Variants in POFUT3 observed in about 807,000 individuals in gnomAD.
The protein encoded by POFUT3 is protein O-fucosyltransferase 3, also known as GDP-fucose protein O-fucosyltransferase 3.
the POFUT3 span, among the ~76,000 whole-genome samples, chr8:33,368,141 A>T: frequency 1.3e-5 from 2 of 152,200 alleles, no homozygotes; most frequent in South Asian, 4.1e-4. Flanking sequence ...AGGAGGATAC[A>T]AAGGGGCAAG....
At chr8:33,390,296 T>G in the POFUT3 span, among the ~76,000 whole-genome samples, 4 of 151,954 alleles carry the variant, frequency 2.6e-5, no homozygotes, top group Non-Finnish European at 5.9e-5. Flanking sequence ...CAGAAACTAC[T>G]GAGGGAGAGG....
chr8:33,460,181 T>G, the POFUT3 span, among the ~76,000 whole-genome samples: 1 of 120,572 alleles, frequency 8.3e-6, no homozygotes, highest in Non-Finnish European at 1.8e-5. Context: ...AGAGTGAGAC[T>G]CCACCTCAAA....
the POFUT3 span, among the ~76,000 whole-genome samples, chr8:33,373,677 A>G: frequency 6.6e-6 from 1 of 152,286 alleles, no homozygotes; most frequent in South Asian, 2.1e-4. Flanking sequence ...GAGAAAAGAA[A>G]AAGAAAAGTA....
chr8:33,365,989 A>G, the POFUT3 span, among the ~76,000 whole-genome samples: 1 of 152,212 alleles, frequency 6.6e-6, no homozygotes, highest in South Asian at 2.1e-4. Flanking sequence ...CACAATAGCA[A>G]AGACTTGGAA....
chr8:33,436,179 AG>A, the POFUT3 span: 2 of 1,251,048 alleles, frequency 1.6e-6, no homozygotes, highest in Non-Finnish European at 1.1e-6. Context: ...ACGGTTCCTA[AG>A]GGACTGAATG....
the POFUT3 span, among the ~76,000 whole-genome samples, chr8:33,392,764 A>G: frequency 6.6e-6 from 1 of 151,714 alleles, no homozygotes; most frequent in Non-Finnish European, 1.5e-5. Flanking sequence ...TGGGTGGATC[A>G]CCTGAGGTCA....
chr8:33,338,032 C>A, the POFUT3 span, among the ~76,000 whole-genome samples: 2 of 152,054 alleles, frequency 1.3e-5, no homozygotes, highest in South Asian at 2.1e-4. Context: ...CCAAAGCACA[C>A]AAATATCTGT....
the POFUT3 span, among the ~76,000 whole-genome samples, chr8:33,411,514 C>T: frequency 1.3e-5 from 2 of 152,168 alleles, no homozygotes; most frequent in Non-Finnish European, 2.9e-5. Context: ...ATGGGCCGGG[C>T]GCCATGGCTC....
chr8:33,340,598 T>C, the POFUT3 span, among the ~76,000 whole-genome samples: 1 of 152,030 alleles, frequency 6.6e-6, no homozygotes, highest in Non-Finnish European at 1.5e-5. Context: ...AAAAAAAAGA[T>C]ATATCATTTA....
chr8:33,339,428 A>T, the POFUT3 span, among the ~76,000 whole-genome samples: 1 of 152,192 alleles, frequency 6.6e-6, no homozygotes, highest in African/African-American at 2.4e-5. Flanking sequence ...CAGCCTCAAG[A>T]ACCAGTGAGA....
the POFUT3 span, among the ~76,000 whole-genome samples, chr8:33,387,110 T>C: frequency 6.6e-6 from 1 of 152,142 alleles, no homozygotes; most frequent in African/African-American, 2.4e-5. Context: ...TGTTTGTGTG[T>C]GTGTGTGTGT....
the POFUT3 span, among the ~76,000 whole-genome samples, chr8:33,337,966 T>C: frequency 6.6e-6 from 1 of 152,224 alleles, no homozygotes; most frequent in Non-Finnish European, 1.5e-5. Context: ...TCTGTCTTTT[T>C]TGATGAGGAA....
At chr8:33,407,975 G>A in the POFUT3 span, among the ~76,000 whole-genome samples, 42,903 of 138,302 alleles carry the variant, frequency 0.31, 6,635 homozygotes, top group South Asian at 0.45. Flanking sequence ...GCAACAGAGC[G>A]AGACTCCATC....
At chr8:33,323,793 A>G in the POFUT3 span, among the ~76,000 whole-genome samples, 1 of 152,220 alleles carries the variant, frequency 6.6e-6, no homozygotes, top group Non-Finnish European at 1.5e-5. Context: ...CCACAAGTTC[A>G]GCCTAGGCAC....
chr8:33,330,816 C>T, the POFUT3 span, among the ~76,000 whole-genome samples: 1 of 152,098 alleles, frequency 6.6e-6, no homozygotes, highest in Non-Finnish European at 1.5e-5. Context: ...AACCAGGAGC[C>T]CCTTCCCAGG....
the POFUT3 span, among the ~76,000 whole-genome samples, chr8:33,466,246 G>A: frequency 5.3e-5 from 8 of 151,930 alleles, no homozygotes; most frequent in Middle Eastern, 3.4e-3. Context: ...ACAAGACTCC[G>A]TCTCTACAAA....
chr8:33,455,393 A>G, the POFUT3 span, among the ~76,000 whole-genome samples: 1 of 152,114 alleles, frequency 6.6e-6, no homozygotes, highest in African/African-American at 2.4e-5. Context: ...GCACAGTGGC[A>G]TACACCTATA....
the POFUT3 span, among the ~76,000 whole-genome samples, chr8:33,323,651 A>G: frequency 3.3e-5 from 5 of 152,282 alleles, no homozygotes; most frequent in African/African-American, 1.2e-4. Context: ...AGAATATATA[A>G]CAGCCTACCA....
At chr8:33,355,503 TAGTCC>T in the POFUT3 span, among the ~76,000 whole-genome samples, 125 of 152,276 alleles carry the variant, frequency 8.2e-4, no homozygotes, top group African/African-American at 2.8e-3. Context: ...AGGCATCCCT[TAGTCC>T]AGTCAAGATG....
Sources: allele counts gnomAD v4.1 joint callset (sites outside exome capture counted in the v4.1 genomes callset), GRCh38; gene constraint gnomAD v4.1.1; transcripts MANE v1.5; gene names NCBI Gene and HGNC (gene_info 2026-07-23, HGNC 2026-07-21).